Variants in KLHL26 observed in about 807,000 individuals in gnomAD.
KLHL26 encodes kelch-like protein 26.
KLHL26 carries 4 observed loss-of-function variants against 7.1 expected under a neutral mutation model. The ratio of observed to expected loss-of-function variants is 0.56; its 90% confidence interval spans 0.28 to 1.28. KLHL26 has a LOEUF of 1.28. Ranked by LOEUF, KLHL26 falls within the 50% of genes most tolerant of loss-of-function variation. KLHL26 has a pLI of 0.11. For synonymous variants in KLHL26, 465 were observed against 414.1 expected, an observed-to-expected ratio of 1.12 and a Z score of -1.49; for missense variants, 896 against 924.6, an observed-to-expected ratio of 0.97 and a Z score of 0.40.
chr19:18,668,309 G>A lies in KLHL26; in HGVS notation c.912G>A (p.Val304=), dbSNP rs1173681866. 2 of 1,611,138 alleles carry A rather than the reference G, an allele frequency of 1.2e-6. No individual in the cohort carries two copies. The highest frequency in any genetic ancestry group is 1.7e-6 in the Non-Finnish European group (2 of 1,179,792). The change falls in exon 3 of 3, where the codon GTG becomes GTA. Residue 304 remains valine (V), a synonymous_variant. Coordinates refer to ENST00000300976, the MANE Select transcript of KLHL26 (RefSeq NM_018316.3). ...QHEMQSPRTA[V]RSDVPSLVTF... ...AGATGCAGTCTCCGCGCACCGCCGT[G>A]CGCTCGGATGTGCCCTCGCTCGTCA... is the stretch of plus-strand genomic sequence containing the variant.
chr19:18,668,328 C>G lies in KLHL26; in HGVS notation c.931C>G (p.Leu311Val), dbSNP rs376181840. 1.9e-5 allele frequency: 31 copies of G among 1,609,982 alleles called. No individual in the cohort carries two copies. The highest frequency in any genetic ancestry group is 4.4e-5 in the South Asian group (4 of 91,046). ...RTAVRSDVPS[L>V]VTFGGTPYTD... ...CGCCGTGCGCTCGGATGTGCCCTCG[C>G]TCGTCACCTTCGGCGGCACGCCCTA... Residue 311 changes from leucine (L) to valine (V), a missense_variant, in exon 3 of 3, where the codon CTC becomes GTC. Transcript: ENST00000300976.
In KLHL26 at chr19:18,646,418, G is replaced by A. The variant is rs570612464; in HGVS notation, c.83+9281G>A. 2.8e-4 allele frequency among the ~76,000 whole-genome samples: 43 copies of A among 152,166 alleles called. No homozygotes were observed. The highest frequency in any genetic ancestry group is 5.1e-4 in the Non-Finnish European group (35 of 68,030). On this transcript the variant is annotated intron_variant, in intron 1 of 2. Coordinates refer to ENST00000300976, the MANE Select transcript of KLHL26 (RefSeq NM_018316.3). The surrounding 1 kb of genome is among the most constrained non-coding windows in gnomAD (Gnocchi z 5.0). The stretch of plus-strand genomic sequence containing the variant: ...ATTACAGGCATGAGCCAGTGCGCCC[G>A]GCCTCATGCCCCTTTCAGAAGGAGG...
intron 1 of KLHL26, among the ~76,000 whole-genome samples, chr19:18,662,707 GC>G (rs1165302732): frequency 6.6e-6 from 1 of 152,160 alleles, no homozygotes; most frequent in East Asian, 1.9e-4. Flanking sequence ...CCTGTGGGGG[GC>G]TGGATAGGGG....
At chr19:18,667,643 C>T (rs950164359) in intron 2 of KLHL26, 21 bp from the exon 3 acceptor site, 21 of 1,596,574 alleles carry the variant, frequency 1.3e-5, no homozygotes, top group African/African-American at 1.1e-4. Flanking sequence ...GCCAGCCACA[C>T]GTTGTGTTTC....
chr19:18,650,903 C>A lies in KLHL26; in HGVS notation c.84-13358C>A, dbSNP rs959462492. Among the ~76,000 whole-genome samples, 18 of 152,264 alleles carry A rather than the reference C, an allele frequency of 1.2e-4. No homozygotes were observed. Among genetic ancestry groups the A allele is most frequent in the South Asian group, 1.0e-3 (5 of 4,828 alleles). On this transcript the variant is annotated intron_variant, in intron 1 of 2. Coordinates refer to ENST00000300976, the MANE Select transcript of KLHL26 (RefSeq NM_018316.3). The surrounding 1 kb of genome is among the most constrained non-coding windows in gnomAD (Gnocchi z 4.2). ...GCGGGGCTTCCTGACCCCTCAGCCC[C>A]GGTAGGAAGCTGGTGTGCACTGCAG... is the stretch of plus-strand genomic sequence containing the variant.
Position 18,649,571 on chromosome 19 carries a change from A to G in KLHL26, c.83+12434A>G, listed in dbSNP as rs1976865108. The stretch of plus-strand genomic sequence containing the variant: ...TGAGTGAGCAAAACCTCAGCCCTGC[A>G]TGTTAAAGCAAAGGCGGCAAACGAC... On this transcript the variant is annotated intron_variant, in intron 1 of 2. Transcript: ENST00000300976. The surrounding 1 kb of genome is among the most constrained non-coding windows in gnomAD (Gnocchi z 4.0). Among the ~76,000 whole-genome samples the G allele has an allele frequency of 6.6e-6, 1 of 152,208 alleles. No homozygotes were observed. The highest frequency in any genetic ancestry group is 1.9e-4 in the East Asian group (1 of 5,190).
Position 18,668,438 on chromosome 19 carries a change from G to C in KLHL26, c.1041G>C (p.Met347Ile). The C allele has an allele frequency of 2.5e-6, 4 of 1,611,472 alleles. No individual in the cohort carries two copies. The highest frequency in any genetic ancestry group is 3.4e-6 in the Non-Finnish European group (4 of 1,179,750). Residue 347 changes from methionine to isoleucine, a missense_variant, in exon 3 of 3, where the codon ATG becomes ATC. Physicochemically the swap from Met to Ile is conservative, Grantham distance 10. Transcript: ENST00000300976. ...GCCACTTCCGCGAGCTCACGGAGAT[G>C]GAGGTAGGCTGCAGCCACACGTGCG... ...GARHFRELTEMEVGCSHTCVA... is the reference protein window; with the variant it reads ...GARHFRELTEIEVGCSHTCVA...
At position 18,671,648 on chromosome 19, in the gene KLHL26, C is replaced by G. The variant is rs1055874034; in HGVS notation, c.*2403C>G. On this transcript the variant is annotated 3_prime_UTR_variant, in exon 3 of 3. Coordinates refer to ENST00000300976, the MANE Select transcript of KLHL26 (RefSeq NM_018316.3). Reference sequence around the variant, plus strand: ...CCCTCCCTCAGCCTCCCCCCGCATCCCCCCAAGAAAGGAAAATTATTTTTC... The same window carrying G: ...CCCTCCCTCAGCCTCCCCCCGCATCGCCCCAAGAAAGGAAAATTATTTTTC... The G allele has an allele frequency of 1.3e-5, 2 of 152,264 alleles. 1 individual carries two copies. Among genetic ancestry groups the G allele is most frequent in the South Asian group, 4.1e-4 (2 of 4,836 alleles). The allele number at this position is 152,264 out of a possible 1,614,324, so 9.4% of individuals were successfully genotyped here.
At chr19:18,637,992 A>G (rs1363573737) in intron 1 of KLHL26, among the ~76,000 whole-genome samples, 1 of 152,082 alleles carries the variant, frequency 6.6e-6, no homozygotes, top group Non-Finnish European at 1.5e-5. Flanking sequence ...AACTAATGAT[A>G]TGTGTGTGCA....
Position 18,650,369 on chromosome 19 carries a change from C to T in KLHL26, c.83+13232C>T, listed in dbSNP as rs944689515. On this transcript the variant is annotated intron_variant, in intron 1 of 2. Coordinates refer to ENST00000300976, the MANE Select transcript of KLHL26 (RefSeq NM_018316.3). This position sits in a 1 kb window ranked among gnomAD's most constrained non-coding sequence, Gnocchi z 4.2. ...CAAGGTGACTGTGAGATGACAGACACGTAGGGGAGCCCCACAGAGGACCCC... is the reference window on the plus strand; with the variant it reads ...CAAGGTGACTGTGAGATGACAGACATGTAGGGGAGCCCCACAGAGGACCCC... Among the ~76,000 whole-genome samples, 12 of 152,132 alleles carry T rather than the reference C, an allele frequency of 7.9e-5. No homozygotes were observed. Among genetic ancestry groups the T allele is most frequent in the Non-Finnish European group, 1.8e-4 (12 of 68,016 alleles).
chr19:18,640,543 A>G (rs1407018248), intron 1 of KLHL26, among the ~76,000 whole-genome samples: 3 of 136,108 alleles, frequency 2.2e-5, no homozygotes, highest in African/African-American at 8.4e-5. Flanking sequence ...ACGCCTGGCT[A>G]TGTTTTAATT....
rs549858448 is a variant in KLHL26, at chr19:18,662,760, G to A, written c.84-1501G>A. Among the ~76,000 whole-genome samples the A allele has an allele frequency of 4.6e-5, 7 of 152,226 alleles. No homozygotes were observed. In the East Asian group the frequency reaches 1.4e-3, roughly 29 times the overall value. ...CTGCGACATGCTCCTCACAAGCCTCGGATCTGGATCTGTCATGGGTCTAGG... is the reference window on the plus strand; with the variant it reads ...CTGCGACATGCTCCTCACAAGCCTCAGATCTGGATCTGTCATGGGTCTAGG... On this transcript the variant is annotated intron_variant, in intron 1 of 2. Coordinates refer to ENST00000300976, the MANE Select transcript of KLHL26 (RefSeq NM_018316.3).
chr19:18,638,041 C>T (rs1452114212), intron 1 of KLHL26, among the ~76,000 whole-genome samples: 3 of 152,152 alleles, frequency 2.0e-5, no homozygotes, highest in Non-Finnish European at 4.4e-5. Context: ...GAACACCTGC[C>T]TTAGGAGTGT....
chr19:18,667,226 C>T (rs1341808501), intron 2 of KLHL26, among the ~76,000 whole-genome samples: 1 of 152,004 alleles, frequency 6.6e-6, no homozygotes, highest in East Asian at 1.9e-4. Flanking sequence ...AGCATGATCT[C>T]GGCTCACTGC....
intron 1 of KLHL26, among the ~76,000 whole-genome samples, chr19:18,639,731 A>G (rs1976680403): frequency 6.6e-6 from 1 of 151,866 alleles, no homozygotes; most frequent in Non-Finnish European, 1.5e-5. Context: ...GTTTCAGTAC[A>G]TTTACTGAGT....
In KLHL26 at chr19:18,669,963, G is replaced by C. The variant is rs1299221836; in HGVS notation, c.*718G>C. The stretch of plus-strand genomic sequence containing the variant: ...TTAGGGGCTTGGGACCTTCCATTTG[G>C]CACTGAGCATCTTGTGGGGCCTTAA... On this transcript the variant is annotated 3_prime_UTR_variant, in exon 3 of 3. Transcript: ENST00000300976. The C allele has an allele frequency of 6.6e-6, 1 of 152,256 alleles. No homozygotes were observed. Among genetic ancestry groups the C allele is most frequent in the Non-Finnish European group, 1.5e-5 (1 of 68,080 alleles). 9.4% of individuals were successfully genotyped at this position (152,256 alleles called of 1,614,324 possible). A position where few individuals can be genotyped will look rare whatever the true frequency, so the allele number is the denominator to read the frequency against.
At chr19:18,651,768 A>C (rs982126266) in intron 1 of KLHL26, among the ~76,000 whole-genome samples, 2 of 152,222 alleles carry the variant, frequency 1.3e-5, no homozygotes, top group Non-Finnish European at 2.9e-5. Flanking sequence ...GCAGTGCTAG[A>C]ATTTCACTGG....
intron 2 of KLHL26, among the ~76,000 whole-genome samples, chr19:18,665,050 G>T (rs2052433331): frequency 6.7e-6 from 1 of 150,230 alleles, no homozygotes; most frequent in Non-Finnish European, 1.5e-5. Flanking sequence ...CCAGGTTTTT[G>T]ATCTGTTTTG....
rs1471497285 is a variant in KLHL26 at position 18,669,496 on chromosome 19, G to A, written c.*251G>A. 10 of 572,978 alleles carry A rather than the reference G, an allele frequency of 1.7e-5. No homozygotes were observed. Among genetic ancestry groups the A allele is most frequent in the South Asian group, 6.8e-5 (3 of 44,426 alleles). The allele number at this position is 572,978 out of a possible 1,614,324, so 35.5% of individuals were successfully genotyped here. A position where few individuals can be genotyped will look rare whatever the true frequency, so the allele number is the denominator to read the frequency against. On this transcript the variant is annotated 3_prime_UTR_variant, in exon 3 of 3. Coordinates refer to ENST00000300976, the MANE Select transcript of KLHL26 (RefSeq NM_018316.3). ...ATGTGGTGGCAGCAAATTCGTCCCC[G>A]GGGTGGTTTCCTCGCCTGGCCCCCG...
Sources: allele counts gnomAD v4.1 joint callset (sites outside exome capture counted in the v4.1 genomes callset), GRCh38; gene constraint gnomAD v4.1.1; non-coding constraint Gnocchi (gnomAD v3.1); transcripts MANE v1.5; gene names NCBI Gene and HGNC (gene_info 2026-07-23, HGNC 2026-07-21).